DTNA: variants seen among roughly 807,000 people sequenced by gnomAD.
The protein encoded by DTNA is dystrobrevin alpha, also known as dystrophin-related protein 3.
DTNA carries 43 observed loss-of-function variants against 100.7 expected under a neutral mutation model. The ratio of observed to expected loss-of-function variants is 0.43; its 90% CI spans 0.33 to 0.55. The LOEUF is 0.55. DTNA is among the 20% of genes least tolerant of loss of function. The pLI is 0.04. For missense variants in DTNA, 798 were observed against 953.9 expected (o/e 0.84, Z 2.15); for synonymous variants, 349 against 347.9 (o/e 1.00, Z -0.04).
At chr18:34,584,724 G>A (rs966587888) in intron 1 of DTNA, among the ~76,000 whole-genome samples, 1 of 152,092 alleles carries the variant, frequency 6.6e-6, no homozygotes, top group Admixed American at 6.5e-5. Flanking sequence ...TCAACTGGGG[G>A]AACTCATGCA....
chr18:34,604,956 G>A (rs1484425573), intron 1 of DTNA, among the ~76,000 whole-genome samples: 1 of 152,028 alleles, frequency 6.6e-6, no homozygotes, highest in African/African-American at 2.4e-5. Flanking sequence ...TCTTACAATA[G>A]GCTGAATTTC....
At chr18:34,539,277 G>A (rs1159748492) in intron 1 of DTNA, among the ~76,000 whole-genome samples, 1 of 151,796 alleles carries the variant, frequency 6.6e-6, no homozygotes, top group Admixed American at 6.6e-5. Context: ...AGTTGGCAAT[G>A]AATATGAAGA....
At chr18:34,693,842 A>T (rs2080132632) in intron 1 of DTNA, among the ~76,000 whole-genome samples, 1 of 152,024 alleles carries the variant, frequency 6.6e-6, no homozygotes, top group Non-Finnish European at 1.5e-5. Context: ...AAAATAGCCC[A>T]GGCAATGGCA....
chr18:34,811,891 A>G lies in DTNA; in HGVS notation c.449-68A>G, dbSNP rs1286870121. The G allele has an allele frequency of 2.5e-6, 4 of 1,584,262 alleles. No homozygotes were observed. In the African/African-American group the frequency reaches 5.4e-5, roughly 21 times the overall value. On this transcript the variant is annotated intron_variant, in intron 5 of 22. Coordinates refer to ENST00000444659, the MANE Select transcript of DTNA (RefSeq NM_001386795.1). ...GCTACTTTTTTGTCATTTGTAGCAG[A>G]TATATTGAACAAAAACAGTGGAGAA...
intron 2 of DTNA, among the ~76,000 whole-genome samples, chr18:34,764,854 G>A (rs2093385943): frequency 6.6e-6 from 1 of 152,172 alleles, no homozygotes; most frequent in Non-Finnish European, 1.5e-5. Flanking sequence ...CTTTATATCT[G>A]TTATGGACCA....
chr18:34,552,996 A>G (rs1324247118), intron 1 of DTNA, among the ~76,000 whole-genome samples: 5 of 150,814 alleles, frequency 3.3e-5, no homozygotes, highest in Admixed American at 1.3e-4. Flanking sequence ...TCCCACCAAC[A>G]GTGTAAAAGT....
intron 1 of DTNA, among the ~76,000 whole-genome samples, chr18:34,618,846 A>G (rs1420938048): frequency 6.6e-6 from 1 of 152,154 alleles, no homozygotes; most frequent in Non-Finnish European, 1.5e-5. Context: ...GTACCAATTA[A>G]TTTATTAAGT....
At chr18:34,530,146 C>A (rs1266902375) in intron 1 of DTNA, among the ~76,000 whole-genome samples, 1 of 152,048 alleles carries the variant, frequency 6.6e-6, no homozygotes, top group Non-Finnish European at 1.5e-5. Context: ...ATGAGCTGGT[C>A]AGGCAGCCCA....
intron 1 of DTNA, chr18:34,574,479 T>G (rs182691001): frequency 1.2e-4 from 19 of 152,572 alleles, no homozygotes; most frequent in Admixed American, 1.0e-3. Context: ...CCCAGAAGTG[T>G]TTGTCCTTCT....
At chr18:34,825,099 T>G (rs1439755970) in intron 9 of DTNA, among the ~76,000 whole-genome samples, 2 of 152,144 alleles carry the variant, frequency 1.3e-5, no homozygotes, top group Non-Finnish European at 2.9e-5. Flanking sequence ...ACTTTTTTTT[T>G]CTACCCACCT....
chr18:34,668,338 A>G (rs1215296024), intron 1 of DTNA, among the ~76,000 whole-genome samples: 1 of 152,026 alleles, frequency 6.6e-6, no homozygotes, highest in Non-Finnish European at 1.5e-5. Context: ...TAGTCTTGCT[A>G]GCGGTCTATC....
At chr18:34,521,611 C>T (rs1333450030) in intron 1 of DTNA, among the ~76,000 whole-genome samples, 3 of 152,082 alleles carry the variant, frequency 2.0e-5, no homozygotes, top group African/African-American at 7.2e-5. Context: ...GACTTCCGTC[C>T]CTCTGCTTCA....
chr18:34,666,301 T>A (rs1480133939), intron 1 of DTNA, among the ~76,000 whole-genome samples: 2 of 151,968 alleles, frequency 1.3e-5, no homozygotes, highest in Non-Finnish European at 2.9e-5. Context: ...GTTTGAGTTC[T>A]TTATAGATTC....
intron 1 of DTNA, among the ~76,000 whole-genome samples, chr18:34,516,351 A>G (rs1216248728): frequency 6.6e-6 from 1 of 152,166 alleles, no homozygotes; most frequent in Non-Finnish European, 1.5e-5. Context: ...AGCCAGAGCA[A>G]GATCACAGGA....
At chr18:34,726,939 G>A (rs1231153234) in intron 1 of DTNA, among the ~76,000 whole-genome samples, 2 of 152,160 alleles carry the variant, frequency 1.3e-5, no homozygotes, top group African/African-American at 4.8e-5. Context: ...TCCACCCTGC[G>A]GCAAGCACCA....
At chr18:34,861,041 T>C (rs558167447) in intron 16 of DTNA, among the ~76,000 whole-genome samples, 28 of 152,286 alleles carry the variant, frequency 1.8e-4, no homozygotes, top group Non-Finnish European at 3.5e-4. Context: ...TATAATTGTG[T>C]GTAATTTATG....
At chr18:34,800,899 CA>C (rs1317713756) in intron 4 of DTNA, among the ~76,000 whole-genome samples, 1 of 152,134 alleles carries the variant, frequency 6.6e-6, no homozygotes, top group Non-Finnish European at 1.5e-5. Context: ...GCAACTTTTC[CA>C]TATAAATAAT....
chr18:34,612,007 C>T (rs1158859390), intron 1 of DTNA, among the ~76,000 whole-genome samples: 1 of 152,198 alleles, frequency 6.6e-6, no homozygotes, highest in African/African-American at 2.4e-5. Context: ...CATCTGGCCT[C>T]CTATGAGTGC....
At chr18:34,817,206 A>G (rs1408105400) in intron 7 of DTNA, among the ~76,000 whole-genome samples, 1 of 152,216 alleles carries the variant, frequency 6.6e-6, no homozygotes, top group Non-Finnish European at 1.5e-5. Context: ...AAGAAAGGTT[A>G]TGACACTTGT....
Sources: allele counts gnomAD v4.1 joint callset (sites outside exome capture counted in the v4.1 genomes callset), GRCh38; gene constraint gnomAD v4.1.1; transcripts MANE v1.5; gene names NCBI Gene and HGNC (gene_info 2026-07-23, HGNC 2026-07-21).